TLN2: variants seen among roughly 807,000 people sequenced by gnomAD.
TLN2 encodes talin-2.
TLN2 carries 118 observed loss-of-function variants against 294.7 expected under a neutral mutation model. The observed-to-expected ratio is 0.40, with a 90% CI of 0.34 to 0.47. TLN2 has a LOEUF of 0.47. TLN2 is among the 20% of genes least tolerant of loss of function. TLN2 has a pLI of 0.84. For synonymous variants in TLN2, 1,431 were observed against 1,304.5 expected (o/e 1.10, Z -2.09); for missense variants, 3,083 against 3,282.2 (o/e 0.94, Z 1.48).
intron 1 of TLN2, among the ~76,000 whole-genome samples, chr15:62,450,547 ATGTGTGTGTG>A (rs10591621): frequency 0.022 from 2,927 of 135,954 alleles, 58 homozygotes; most frequent in East Asian, 0.069. Flanking sequence ...GTATGTATGT[ATGTGTGTGTG>A]TGTGTGTGTG....
At chr15:62,481,858 G>A (rs1345737197) in intron 1 of TLN2, among the ~76,000 whole-genome samples, 14 of 141,656 alleles carry the variant, frequency 9.9e-5, no homozygotes, top group African/African-American at 2.9e-4. Flanking sequence ...GTGCAATGGC[G>A]TGATCTCAGC....
At chr15:62,633,561 T>C (rs1449755159) in intron 3 of TLN2, among the ~76,000 whole-genome samples, 1 of 152,216 alleles carries the variant, frequency 6.6e-6, no homozygotes, top group African/African-American at 2.4e-5. Context: ...CACCCCAGCC[T>C]TTGAGTCAAT....
intron 18 of TLN2, among the ~76,000 whole-genome samples, chr15:62,702,521 A>G (rs1294871658): frequency 6.6e-6 from 1 of 152,234 alleles, no homozygotes; most frequent in Non-Finnish European, 1.5e-5. Context: ...CCTTCTTACC[A>G]AATGAACAAG....
At chr15:62,761,061 C>T (rs745657247) in intron 37 of TLN2, among the ~76,000 whole-genome samples, 9 of 152,082 alleles carry the variant, frequency 5.9e-5, no homozygotes, top group Non-Finnish European at 8.8e-5. Context: ...GTGGGTGGCC[C>T]GTTTTGTTAA....
rs2070246173 is a variant in TLN2, at chr15:62,839,094, G to A, written c.7500+113G>A. Reference sequence around the variant, plus strand: ...AAGTTTATTTCTTCCTCGTGTACCAGAGATGGTGTGGTGTTTCCTTCATGT... The same window carrying A: ...AAGTTTATTTCTTCCTCGTGTACCAAAGATGGTGTGGTGTTTCCTTCATGT... On this transcript the variant is annotated intron_variant, in intron 58 of 58. Transcript: ENST00000636159. 1.6e-5 allele frequency: 22 copies of A among 1,389,434 alleles called. No homozygotes were observed. The Admixed American group carries it at 1.9e-4, about 12-fold the overall frequency. 86.1% of individuals were successfully genotyped at this position (1,389,434 alleles called of 1,614,324 possible).
intron 3 of TLN2, among the ~76,000 whole-genome samples, chr15:62,630,563 G>A (rs2049702672): frequency 6.6e-6 from 1 of 152,182 alleles, no homozygotes; most frequent in African/African-American, 2.4e-5. Flanking sequence ...CCAGCAGTCC[G>A]AGGCCAGGTT....
chr15:62,790,018 C>T lies in TLN2; in HGVS notation c.5737-2623C>T, dbSNP rs139615215. On this transcript the variant is annotated intron_variant, in intron 45 of 58. Coordinates refer to ENST00000636159, the MANE Select transcript of TLN2 (RefSeq NM_015059.3). Reference sequence around the variant, plus strand: ...CTGCTGGGTAGTTTTGTGCTGATCTCAGGCTGCTGCTGCTGCATCTGCCTT... The same window carrying T: ...CTGCTGGGTAGTTTTGTGCTGATCTTAGGCTGCTGCTGCTGCATCTGCCTT... Among the ~76,000 whole-genome samples the T allele has an allele frequency of 1.2e-3, 187 of 152,312 alleles. 1 individual carries two copies. The highest frequency in any genetic ancestry group is 4.2e-3 in the African/African-American group (175 of 41,570).
intron 18 of TLN2, 134 bp downstream of exon 18, chr15:62,702,334 G>C (rs2058767336): frequency 9.7e-7 from 1 of 1,029,004 alleles, no homozygotes; most frequent in African/African-American, 1.6e-5. Flanking sequence ...GGAGTAACTG[G>C]AGTTGTGGAA....
At chr15:62,666,243 G>A (rs80012259) in intron 9 of TLN2, among the ~76,000 whole-genome samples, 1 of 152,138 alleles carries the variant, frequency 6.6e-6, no homozygotes, top group South Asian at 2.1e-4. Flanking sequence ...TGGTTTGAAT[G>A]TGTTCTCTCC....
chr15:62,572,851 T>C (rs775535238), intron 1 of TLN2, among the ~76,000 whole-genome samples: 2 of 151,994 alleles, frequency 1.3e-5, no homozygotes, highest in Non-Finnish European at 2.9e-5. Context: ...AATCCCGCAC[T>C]CTGTGCTTGT....
At chr15:62,402,007 T>C (rs2140238276) in intron 1 of TLN2, among the ~76,000 whole-genome samples, 1 of 152,312 alleles carries the variant, frequency 6.6e-6, no homozygotes, top group South Asian at 2.1e-4. Context: ...CAAAGAATTA[T>C]GCCATCCAAA....
intron 7 of TLN2, among the ~76,000 whole-genome samples, chr15:62,655,336 GC>G (rs997508564): frequency 1.3e-5 from 2 of 151,524 alleles, no homozygotes; most frequent in African/African-American, 4.8e-5. Flanking sequence ...CGAATCCTGT[GC>G]ACATAGATGT....
intron 52 of TLN2, among the ~76,000 whole-genome samples, chr15:62,817,465 AGAG>A (rs1161715403): frequency 6.6e-6 from 1 of 152,240 alleles, no homozygotes; most frequent in African/African-American, 2.4e-5. Context: ...AAAGATTATA[AGAG>A]GAGGGAAGAT....
chr15:62,719,851 C>T lies in TLN2; in HGVS notation c.2962C>T (p.Leu988Phe), dbSNP rs200608867. The T allele has an allele frequency of 1.9e-6, 3 of 1,611,864 alleles. No individual in the cohort carries two copies. Among genetic ancestry groups the T allele is most frequent in the East Asian group, 2.2e-5 (1 of 44,820 alleles). ...TGAAGACCTGAGTGCCCAGCTGGCT[C>T]TCATCATCTCCAGCCAGAACTTCCT... ...QAEDLSAQLALIISSQNFLQP... is the reference protein window; with the variant it reads ...QAEDLSAQLAFIISSQNFLQP... Residue 988 changes from leucine (L) to phenylalanine (F), a missense_variant, in exon 25 of 59, where the codon CTC becomes TTC. Physicochemically the swap from Leu to Phe is conservative, Grantham distance 22. Coordinates refer to ENST00000636159, the MANE Select transcript of TLN2 (RefSeq NM_015059.3).
At chr15:62,399,572 G>A (rs886990173) in intron 1 of TLN2, among the ~76,000 whole-genome samples, 8 of 152,222 alleles carry the variant, frequency 5.3e-5, no homozygotes, top group African/African-American at 1.7e-4. Context: ...AGCCACAGGG[G>A]CGAAGCTGTC....
intron 1 of TLN2, among the ~76,000 whole-genome samples, chr15:62,419,689 C>T (rs1001076178): frequency 1.3e-5 from 2 of 151,932 alleles, no homozygotes; most frequent in African/African-American, 4.8e-5. Context: ...CCTCTGTCAC[C>T]CAGGCTGGAG....
intron 1 of TLN2, among the ~76,000 whole-genome samples, chr15:62,468,586 A>G (rs2037273372): frequency 1.3e-5 from 2 of 152,060 alleles, no homozygotes; most frequent in Non-Finnish European, 2.9e-5. Flanking sequence ...TGTACTAAAA[A>G]TACAAAAAAT....
At chr15:62,392,693 C>T (rs2032195959) in intron 1 of TLN2, among the ~76,000 whole-genome samples, 1 of 152,066 alleles carries the variant, frequency 6.6e-6, no homozygotes, top group South Asian at 2.1e-4. Flanking sequence ...GAGGTTTTGT[C>T]GGCACTTCCG....
At chr15:62,779,569 TTGGC>T (rs1184333669) in intron 43 of TLN2, among the ~76,000 whole-genome samples, 1 of 152,240 alleles carries the variant, frequency 6.6e-6, no homozygotes, top group Non-Finnish European at 1.5e-5. Flanking sequence ...TAAAGGTTCT[TTGGC>T]TGGTGGCCAC....
Sources: allele counts gnomAD v4.1 joint callset (sites outside exome capture counted in the v4.1 genomes callset), GRCh38; gene constraint gnomAD v4.1.1; transcripts MANE v1.5; gene names NCBI Gene and HGNC (gene_info 2026-07-23, HGNC 2026-07-21).